Variants in ARHGAP18 observed in about 807,000 individuals in gnomAD.
ARHGAP18 encodes Rho GTPase activating protein 18.
In ARHGAP18, 67 loss-of-function variants were observed where a neutral mutation model predicts 86.2. The observed-to-expected ratio is 0.78, with a 90% CI of 0.64 to 0.95. The LOEUF is 0.95. Among genes scored for constraint, ARHGAP18 ranks in the 40% least tolerant of loss-of-function variants. The pLI is 0.00. For missense variants in ARHGAP18, 691 were observed against 780.4 expected, an observed-to-expected ratio of 0.89 and a Z score of 1.37; for synonymous variants, 283 against 280.4, an observed-to-expected ratio of 1.01 and a Z score of -0.09.
chr6:129,627,764 T>G (rs1447418351), intron 5 of ARHGAP18, among the ~76,000 whole-genome samples: 1 of 152,084 alleles, frequency 6.6e-6, no homozygotes, highest in African/African-American at 2.4e-5. Context: ...ACATGACCCT[T>G]ATTTGGATCC....
chr6:129,682,274 C>G (rs1439943167), intron 1 of ARHGAP18, among the ~76,000 whole-genome samples: 3 of 152,182 alleles, frequency 2.0e-5, no homozygotes, highest in African/African-American at 7.2e-5. Context: ...GAAGAAATAA[C>G]TCCAGCTTTG....
At chr6:129,586,018 C>G (rs1554331823) in intron 12 of ARHGAP18, among the ~76,000 whole-genome samples, 1 of 152,168 alleles carries the variant, frequency 6.6e-6, no homozygotes, top group Non-Finnish European at 1.5e-5. Context: ...TTTATTTTCA[C>G]TTAGAACACT....
At chr6:129,660,651 C>A (rs749087111) in intron 1 of ARHGAP18, among the ~76,000 whole-genome samples, 2 of 152,180 alleles carry the variant, frequency 1.3e-5, no homozygotes, top group Non-Finnish European at 2.9e-5. Flanking sequence ...TTAGGCCCCA[C>A]TCCAGATTTG....
At chr6:129,645,206 C>T (rs564505242) in intron 1 of ARHGAP18, among the ~76,000 whole-genome samples, 1 of 152,142 alleles carries the variant, frequency 6.6e-6, no homozygotes, top group Non-Finnish European at 1.5e-5. Flanking sequence ...TGTTGTGTTA[C>T]TTCTTTTCTT....
At chr6:129,625,568 T>A (rs1584061509) in intron 5 of ARHGAP18, among the ~76,000 whole-genome samples, 1 of 73,826 alleles carries the variant, frequency 1.4e-5, no homozygotes. Context: ...ATATTATATA[T>A]CATTATACAT....
rs149820730 is a variant in ARHGAP18 at position 129,654,268 on chromosome 6, C to A, written c.114-12250G>T. Among the ~76,000 whole-genome samples, 259 of 152,198 alleles carry A rather than the reference C, an allele frequency of 1.7e-3. 2 individuals carry two copies. The highest frequency in any genetic ancestry group is 5.9e-3 in the African/African-American group (247 of 41,528). Reference sequence around the variant, plus strand: ...TTTTAATAAGGAAACACAGTTAATGCCATTCTTGTGCAATGCCACATCATC... The same window carrying A: ...TTTTAATAAGGAAACACAGTTAATGACATTCTTGTGCAATGCCACATCATC... On this transcript the variant is annotated intron_variant, in intron 1 of 14. Transcript: ENST00000368149.
At chr6:129,659,396 T>TCC (rs1773903734) in intron 1 of ARHGAP18, among the ~76,000 whole-genome samples, 1 of 152,222 alleles carries the variant, frequency 6.6e-6, no homozygotes, top group Non-Finnish European at 1.5e-5. Flanking sequence ...CCTACTTTAT[T>TCC]CCACACTATG....
chr6:129,638,343 T>G (rs992049530), intron 3 of ARHGAP18, 51 bp downstream of exon 3: 2 of 1,515,166 alleles, frequency 1.3e-6, no homozygotes, highest in Non-Finnish European at 1.8e-6. Context: ...ATTGATCCAA[T>G]TAATTGTAAG....
intron 5 of ARHGAP18, among the ~76,000 whole-genome samples, chr6:129,619,995 C>T (rs1003714038): frequency 6.6e-5 from 10 of 152,036 alleles, no homozygotes; most frequent in African/African-American, 1.7e-4. Flanking sequence ...GGATGGGCCA[C>T]TGAATTCAGA....
At chr6:129,604,628 A>G (rs1040535748) in intron 10 of ARHGAP18, among the ~76,000 whole-genome samples, 18 of 152,272 alleles carry the variant, frequency 1.2e-4, no homozygotes, top group African/African-American at 4.3e-4. Flanking sequence ...CTCAGCCACA[A>G]TCTACACACA....
chr6:129,591,002 T>C (rs1485077006), intron 12 of ARHGAP18, among the ~76,000 whole-genome samples: 2 of 152,218 alleles, frequency 1.3e-5, no homozygotes, highest in Non-Finnish European at 2.9e-5. Context: ...GTTAAAGTTG[T>C]TTCTGGGAAG....
intron 1 of ARHGAP18, among the ~76,000 whole-genome samples, chr6:129,680,538 G>A (rs1774306807): frequency 6.6e-6 from 1 of 152,152 alleles, no homozygotes; most frequent in Non-Finnish European, 1.5e-5. Context: ...ACCCATTTCA[G>A]AACTCTGGCT....
chr6:129,666,359 T>C lies in ARHGAP18; in HGVS notation c.114-24341A>G, dbSNP rs1054759299. Among the ~76,000 whole-genome samples, 9 of 152,342 alleles carry C rather than the reference T, an allele frequency of 5.9e-5. No homozygotes were observed. The East Asian group carries it at 1.7e-3, about 29-fold the overall frequency. On this transcript the variant is annotated intron_variant, in intron 1 of 14. Transcript: ENST00000368149. ...GTGTCTAGCCACACCACTAATGCAA[T>C]ACAGTCCTCCTCCCTCCATATAATG...
chr6:129,648,719 TTATCTC>T (rs202055457), intron 1 of ARHGAP18, among the ~76,000 whole-genome samples: 2,104 of 146,124 alleles, frequency 0.014, 43 homozygotes, highest in African/African-American at 0.053. Context: ...TGTCTTTACA[TTATCTC>T]TATGTTAGAA....
chr6:129,623,006 C>CAAAAAAAAAAAAAAAAAAAAAAA (rs57274879), intron 5 of ARHGAP18, among the ~76,000 whole-genome samples: 1 of 39,734 alleles, frequency 2.5e-5, no homozygotes, highest in South Asian at 1.0e-3. Flanking sequence ...CATCTCAAAA[C>CAAAAAAAAAAAAAAAAAAAAAAA]AAAAAAAAAA....
intron 12 of ARHGAP18, among the ~76,000 whole-genome samples, chr6:129,584,430 G>A (rs1788351479): frequency 6.6e-6 from 1 of 152,152 alleles, no homozygotes. Flanking sequence ...TCTTCATGTA[G>A]CAATTTATGA....
At chr6:129,642,274 G>A (rs1459770599) in intron 1 of ARHGAP18, among the ~76,000 whole-genome samples, 3 of 152,134 alleles carry the variant, frequency 2.0e-5, no homozygotes, top group Non-Finnish European at 4.4e-5. Flanking sequence ...TACATTAAAT[G>A]AAGACTCATT....
chr6:129,625,996 A>G (rs1789456972), intron 5 of ARHGAP18, among the ~76,000 whole-genome samples: 1 of 116,150 alleles, frequency 8.6e-6, no homozygotes, highest in Non-Finnish European at 1.7e-5. Flanking sequence ...TATATATCAA[A>G]TATATATCAA....
intron 1 of ARHGAP18, among the ~76,000 whole-genome samples, chr6:129,706,198 G>A (rs1242669936): frequency 6.6e-6 from 1 of 152,116 alleles, no homozygotes; most frequent in Non-Finnish European, 1.5e-5. Flanking sequence ...AGTAAGAATA[G>A]ACAAAACACA....
Sources: allele counts gnomAD v4.1 joint callset (sites outside exome capture counted in the v4.1 genomes callset), GRCh38; gene constraint gnomAD v4.1.1; transcripts MANE v1.5; gene names NCBI Gene and HGNC (gene_info 2026-07-23, HGNC 2026-07-21).